CFAP92: variants seen among roughly 807,000 people sequenced by gnomAD.
CFAP92 encodes cilia and flagella associated protein 92 (putative), also known as uncharacterized protein CFAP92.
A neutral mutation model predicts 106.3 loss-of-function variants in CFAP92; 86 were observed. The observed-to-expected ratio is 0.81, with a 90% confidence interval of 0.68 to 0.97. The LOEUF (loss-of-function observed/expected upper bound fraction) is 0.97. Among genes scored for constraint, CFAP92 ranks in the 50% least tolerant of loss-of-function variants. The pLI is 0.00. For synonymous variants in CFAP92, 477 were observed against 506.4 expected (o/e 0.94, Z 0.78); for missense variants, 1,204 against 1,283.8 (o/e 0.94, Z 0.95).
chr3:128,986,539 C>G (rs894706550), intron 4 of CFAP92, among the ~76,000 whole-genome samples: 3 of 152,088 alleles, frequency 2.0e-5, no homozygotes, highest in African/African-American at 4.8e-5. Flanking sequence ...TTTTTAACAT[C>G]TCTAAGCATC....
chr3:128,943,920 G>A lies in CFAP92; in HGVS notation c.2258+1151C>T, dbSNP rs200201832. On this transcript the variant is annotated intron_variant, in intron 10 of 15. Transcript: ENST00000645291. Reference sequence around the variant, plus strand: ...GATAAACATTTGGGTTATTTCCCCCGTTTTTTTTTTTTTTTTTTTTTTAAT... The same window carrying A: ...GATAAACATTTGGGTTATTTCCCCCATTTTTTTTTTTTTTTTTTTTTTAAT... Among the ~76,000 whole-genome samples the A allele has an allele frequency of 6.4e-5, 7 of 110,152 alleles. No homozygotes were observed. The South Asian group carries it at 8.6e-4, about 13-fold the overall frequency. 72.3% of individuals were successfully genotyped at this position (110,152 alleles called of 152,430 possible).
upstream of CFAP92, among the ~76,000 whole-genome samples, chr3:129,005,927 C>T (rs1311562580): frequency 6.6e-6 from 1 of 152,268 alleles, no homozygotes; most frequent in Non-Finnish European, 1.5e-5. Context: ...AGGGGCTCTT[C>T]TTTGTTTATT....
chr3:129,012,191 C>A, the CFAP92 span, among the ~76,000 whole-genome samples: 1 of 152,364 alleles, frequency 6.6e-6, no homozygotes, highest in South Asian at 2.1e-4. Context: ...TTCAGCTCAA[C>A]TTGCTTGTGC....
At chr3:129,014,888 CT>C in the CFAP92 span, among the ~76,000 whole-genome samples, 1 of 152,040 alleles carries the variant, frequency 6.6e-6, no homozygotes. The surrounding 1 kb of genome is among the most constrained non-coding windows in gnomAD (Gnocchi z 4.3). Flanking sequence ...GTGAAGAGCC[CT>C]CCTCACCTGT....
At chr3:128,910,426 G>A in intron 15 of CFAP92, 93 bp from the exon 16 acceptor site, 1 of 1,296,088 alleles carries the variant, frequency 7.7e-7, no homozygotes, top group Non-Finnish European at 1.0e-6. Flanking sequence ...CGCTGTGCTG[G>A]AGGGAGGCGG....
At chr3:128,921,433 G>T (rs1937273236) in intron 12 of CFAP92, among the ~76,000 whole-genome samples, 1 of 152,202 alleles carries the variant, frequency 6.6e-6, no homozygotes, top group South Asian at 2.1e-4. Flanking sequence ...ACTGCTATTA[G>T]ACCCCTGACA....
chr3:128,977,152 T>A (rs2107792450), intron 5 of CFAP92, 86 bp from the exon 6 acceptor site: 1 of 995,334 alleles, frequency 1.0e-6, no homozygotes, highest in East Asian at 2.5e-5. Context: ...TTCTGTAATG[T>A]CAGTCTCTAT....
intron 2 of CFAP92, among the ~76,000 whole-genome samples, chr3:128,991,315 C>T (rs1482113166): frequency 1.3e-5 from 2 of 152,158 alleles, no homozygotes; most frequent in East Asian, 3.8e-4. Context: ...AAGTTCAGTT[C>T]ACCAAGAAGA....
upstream of CFAP92, among the ~76,000 whole-genome samples, chr3:129,005,018 T>G (rs764634876): frequency 6.6e-6 from 1 of 152,136 alleles, no homozygotes; most frequent in African/African-American, 2.4e-5. Context: ...TGGTAGATGC[T>G]TGGTAGACAG....
chr3:128,925,479 T>C (rs1937584312), intron 12 of CFAP92, among the ~76,000 whole-genome samples: 1 of 152,012 alleles, frequency 6.6e-6, no homozygotes, highest in African/African-American at 2.4e-5. Context: ...GAAGATATAT[T>C]GGTTGAAAAT....
At chr3:128,982,456 C>G (rs1157254015) in intron 4 of CFAP92, among the ~76,000 whole-genome samples, 2 of 152,174 alleles carry the variant, frequency 1.3e-5, no homozygotes, top group Non-Finnish European at 2.9e-5. Flanking sequence ...TCTATCCAGA[C>G]CATTAAAACT....
At chr3:129,022,898 A>G in the CFAP92 span, among the ~76,000 whole-genome samples, 1 of 152,230 alleles carries the variant, frequency 6.6e-6, no homozygotes, top group East Asian at 1.9e-4. Flanking sequence ...GGCCTTTGCC[A>G]TACTTTTCCA....
the CFAP92 span, among the ~76,000 whole-genome samples, chr3:129,024,257 C>A: frequency 6.6e-6 from 1 of 152,060 alleles, no homozygotes; most frequent in Non-Finnish European, 1.5e-5. Context: ...GGGGCTGGGT[C>A]TAGTGGCTCA....
chr3:128,997,318 A>G (rs371978639), upstream of CFAP92, among the ~76,000 whole-genome samples: 4 of 152,222 alleles, frequency 2.6e-5, no homozygotes, highest in East Asian at 1.9e-4. Flanking sequence ...GCTTTATTGA[A>G]GTATTTTTTA....
chr3:128,933,509 C>G (rs1160918126), intron 11 of CFAP92, among the ~76,000 whole-genome samples: 1 of 152,212 alleles, frequency 6.6e-6, no homozygotes, highest in Non-Finnish European at 1.5e-5. Context: ...GCATTGGGTC[C>G]AGAAACCATG....
chr3:128,937,638 G>A (rs556222320), intron 10 of CFAP92, among the ~76,000 whole-genome samples: 1 of 151,878 alleles, frequency 6.6e-6, no homozygotes, highest in East Asian at 1.9e-4. Context: ...TGAAATCTGA[G>A]TAAGATCAGA....
At chr3:128,996,725 C>T (rs1038192810), upstream of CFAP92, among the ~76,000 whole-genome samples, 1 of 152,246 alleles carries the variant, frequency 6.6e-6, no homozygotes, top group Admixed American at 6.5e-5. Context: ...CTGGCCTCGC[C>T]TGGGCTCACT....
rs1559923194 is a variant in CFAP92 at position 128,978,076 on chromosome 3, T to C, written c.777A>G (p.Glu259=). 1.9e-6 allele frequency: 3 copies of C among 1,613,920 alleles called. No homozygotes were observed. The highest frequency in any genetic ancestry group is 2.7e-5 in the African/African-American group (2 of 74,922). The change falls in exon 5 of 16, where the codon GAA becomes GAG. Residue 259 remains glutamate (E), a synonymous_variant. Coordinates refer to ENST00000645291, the MANE Select transcript of CFAP92 (RefSeq NM_001394090.1). ...AAGACTTTGGGTGTTTTTCTGTTTT[T>C]TCTTGTTTTCCTGGCGGATGTTCCT... ...SNQEHPPGKQ[E]KTEKHPKSLQ...
At chr3:128,963,062 C>T (rs1004265560) in intron 9 of CFAP92, among the ~76,000 whole-genome samples, 32 of 152,200 alleles carry the variant, frequency 2.1e-4, no homozygotes, top group African/African-American at 5.8e-4. Flanking sequence ...GCTGTACTGC[C>T]GCAAGGCTTC....
Sources: gnomAD v4.1 joint callset for allele counts (sites outside exome capture counted in the v4.1 genomes callset) on GRCh38, gnomAD v4.1.1 for gene constraint, Gnocchi (gnomAD v3.1) non-coding constraint, MANE v1.5 for transcripts, NCBI Gene and HGNC (gene_info 2026-07-23, HGNC 2026-07-21) for gene names.